Variants in ZNF296 observed in about 807,000 individuals in gnomAD.
ZNF296 encodes zinc finger protein 296, also known as zinc finger protein 342.
ZNF296 carries 1 observed loss-of-function variant against 13.2 expected under a neutral mutation model. That is an observed-to-expected ratio of 0.08 (90% CI 0.03 to 0.36). The LOEUF (loss-of-function observed/expected upper bound fraction) is 0.36. Ranked by LOEUF, ZNF296 falls within the 10% of genes least tolerant of loss-of-function variation. The pLI is 0.99. For missense variants in ZNF296, 555 were observed against 688.2 expected (o/e 0.81, Z 2.16); for synonymous variants, 303 against 289.0 (o/e 1.05, Z -0.49).
chr19:45,075,644 C>T, intron 2 of ZNF296, 69 bp downstream of exon 2: 1 of 1,579,244 alleles, frequency 6.3e-7, no homozygotes, highest in South Asian at 1.2e-5. Flanking sequence ...TGCCGTCCAG[C>T]CCAGCCCCTT....
Position 45,072,030 on chromosome 19 carries a change from G to A in ZNF296, c.999C>T (p.Val333=). 4 of 1,613,064 alleles carry A rather than the reference G, an allele frequency of 2.5e-6. No individual in the cohort carries two copies. The highest frequency in any genetic ancestry group is 3.4e-6 in the Non-Finnish European group (4 of 1,179,990). Residue 333 remains valine, a synonymous_variant, in exon 3 of 3, where the codon GTC becomes GTT. Transcript: ENST00000303809. ...CACTGCCAGGAGCCCCGGGTTCCTG[G>A]ACACCTGCTGTGGCGGCGGCTCCAG... The part of the protein sequence containing the change: ...EGAGAAATAG[V]QEPGAPGSGA...
chr19:45,075,743 A>G lies in ZNF296; in HGVS notation c.418T>C (p.Phe140Leu). 1 of 1,614,070 alleles carries G rather than the reference A, an allele frequency of 6.2e-7. No homozygotes were observed. Residue 140 changes from phenylalanine to leucine, a missense_variant, in exon 2 of 3, where the codon TTC (phenylalanine) becomes CTC (leucine). Physicochemically the swap from Phe to Leu is conservative, Grantham distance 22. Transcript: ENST00000303809. Reference protein sequence around the residue: ...MDHKKLGCQLFRGPSRGQGSE... With the variant: ...MDHKKLGCQLLRGPSRGQGSE... ...CCCTGGCCGCGGCTGGGGCCTCTGA[A>G]GAGCTGACAGCCCAGCTTCTTGTGG...
At chr19:45,073,299 C>CT (rs967171202) in intron 2 of ZNF296, among the ~76,000 whole-genome samples, 115 of 136,228 alleles carry the variant, frequency 8.4e-4, no homozygotes, top group East Asian at 7.6e-3. Flanking sequence ...GGCTTGCTTG[C>CT]TTTTTTTTTT....
Position 45,076,294 on chromosome 19 carries a change from A to G in ZNF296, c.80T>C (p.Met27Thr). ...CTTGAGTTCGATGACGAGGTCCTGC[A>G]TTTCCATCTCGTCGTCTGGGTTGGC... ...PAANPDDEME[M>T]QDLVIELKPE... The change falls in exon 1 of 3, where the codon ATG becomes ACG. Residue 27 changes from methionine to threonine, a missense_variant. Transcript: ENST00000303809. The surrounding 1 kb of genome is among the most constrained non-coding windows in gnomAD (Gnocchi z 4.9). The G allele has an allele frequency of 6.9e-7, 1 of 1,454,252 alleles. No homozygotes were observed. The highest frequency in any genetic ancestry group is 9.1e-7 in the Non-Finnish European group (1 of 1,102,166). 90.1% of individuals were successfully genotyped at this position (1,454,252 alleles called of 1,614,324 possible).
rs1967254225 is a variant in ZNF296 at position 45,071,552 on chromosome 19, A to G, written c.*49T>C. Reference sequence around the variant, plus strand: ...AAGGCGGGCAAAAACGAGGAGGTCAATGGGTGTTGGCAGCGGTACCAGGGA... The same window carrying G: ...AAGGCGGGCAAAAACGAGGAGGTCAGTGGGTGTTGGCAGCGGTACCAGGGA... On this transcript the variant is annotated 3_prime_UTR_variant, in exon 3 of 3. Transcript: ENST00000303809. 5 of 1,497,148 alleles carry G rather than the reference A, an allele frequency of 3.3e-6. No homozygotes were observed. Among genetic ancestry groups the G allele is most frequent in the Admixed American group, 2.3e-5 (1 of 43,632 alleles). 92.7% of individuals were successfully genotyped at this position (1,497,148 alleles called of 1,614,324 possible). A position where few individuals can be genotyped will look rare whatever the true frequency, so the allele number is the denominator to read the frequency against.
chr19:45,073,120 C>T (rs1284822339), intron 2 of ZNF296, among the ~76,000 whole-genome samples: 1 of 152,166 alleles, frequency 6.6e-6, no homozygotes, highest in Non-Finnish European at 1.5e-5. Context: ...AGGTGCTGAG[C>T]CATGGCTCAT....
chr19:45,076,221 G>A lies in ZNF296; in HGVS notation c.153C>T (p.Phe51=). Reference sequence around the variant, plus strand: ...CCGCCGAGGACACCTCCTTCGGGGAGAAGGGCCCCAGCCTTGGGGCCTGTT... The same window carrying A: ...CCGCCGAGGACACCTCCTTCGGGGAAAAGGGCCCCAGCCTTGGGGCCTGTT... ...QPQQAPRLGP[F]SPKEVSSAGR... Residue 51 remains phenylalanine (F), a synonymous_variant, in exon 1 of 3, where the codon TTC becomes TTT. Coordinates refer to ENST00000303809, the MANE Select transcript of ZNF296 (RefSeq NM_145288.3). The surrounding 1 kb of genome is among the most constrained non-coding windows in gnomAD (Gnocchi z 4.9). 1 of 1,508,022 alleles carries A rather than the reference G, an allele frequency of 6.6e-7. No homozygotes were observed. The highest frequency in any genetic ancestry group is 8.8e-7 in the Non-Finnish European group (1 of 1,132,192). 93.4% of individuals were successfully genotyped at this position (1,508,022 alleles called of 1,614,324 possible). A position where few individuals can be genotyped will look rare whatever the true frequency, so the allele number is the denominator to read the frequency against.
chr19:45,073,611 G>A (rs1600124467), intron 2 of ZNF296, among the ~76,000 whole-genome samples: 1 of 151,436 alleles, frequency 6.6e-6, no homozygotes, highest in East Asian at 2.0e-4. Context: ...GCACCCGGCC[G>A]CCCAGGCTAT....
chr19:45,073,659 A>G (rs1040229149), intron 2 of ZNF296, among the ~76,000 whole-genome samples: 2 of 150,590 alleles, frequency 1.3e-5, no homozygotes, highest in South Asian at 2.1e-4. Flanking sequence ...CTTCCGCCTC[A>G]GCCCCTCAAA....
At chr19:45,074,664 CAT>C (rs1477571759) in intron 2 of ZNF296, among the ~76,000 whole-genome samples, 1 of 152,152 alleles carries the variant, frequency 6.6e-6, no homozygotes, top group Admixed American at 6.5e-5. Flanking sequence ...TTGGGCAAGA[CAT>C]AGTCCTCTGT....
At chr19:45,075,456 C>A (rs1404563824) in intron 2 of ZNF296, among the ~76,000 whole-genome samples, 1 of 152,256 alleles carries the variant, frequency 6.6e-6, no homozygotes, top group East Asian at 1.9e-4. Flanking sequence ...GGGGCAAAAT[C>A]CCGGGCTAGT....
chr19:45,072,611 C>T (rs371741166), intron 2 of ZNF296, 31 bp from the exon 3 acceptor site: 57 of 1,552,012 alleles, frequency 3.7e-5, no homozygotes, highest in Middle Eastern at 1.7e-4. Context: ...AGTGTTAGTG[C>T]GGACAGCTGC....
rs1967277793 is a variant in ZNF296 at position 45,072,598 on chromosome 19, C to T, written c.449-18G>A. 1.3e-6 allele frequency: 2 copies of T among 1,577,494 alleles called. No individual in the cohort carries two copies. Among genetic ancestry groups the T allele is most frequent in the Non-Finnish European group, 8.6e-7 (1 of 1,160,834 alleles). ...CTCTCGTTCTGGTAAGAAAAAGAGGCAGAGTGTTAGTGCGGACAGCTGCCA... is the reference window on the plus strand; with the variant it reads ...CTCTCGTTCTGGTAAGAAAAAGAGGTAGAGTGTTAGTGCGGACAGCTGCCA... On this transcript the variant is annotated intron_variant, in intron 2 of 2. Coordinates refer to ENST00000303809, the MANE Select transcript of ZNF296 (RefSeq NM_145288.3).
chr19:45,073,299 CTTTT>C (rs967171202), intron 2 of ZNF296, among the ~76,000 whole-genome samples: 1 of 136,282 alleles, frequency 7.3e-6, no homozygotes, highest in African/African-American at 2.7e-5. Context: ...GGCTTGCTTG[CTTTT>C]TTTTTTTTGC....
intron 2 of ZNF296, among the ~76,000 whole-genome samples, chr19:45,073,844 T>G (rs1967297395): frequency 6.6e-6 from 1 of 151,154 alleles, no homozygotes; most frequent in Non-Finnish European, 1.5e-5. Flanking sequence ...GCCAACATGA[T>G]GAAACCCTGT....
Position 45,072,432 on chromosome 19 carries a change from C to G in ZNF296, c.597G>C (p.Leu199=). 1 of 1,612,850 alleles carries G rather than the reference C, an allele frequency of 6.2e-7. No individual in the cohort carries two copies. Among genetic ancestry groups the G allele is most frequent in the Non-Finnish European group, 8.5e-7 (1 of 1,179,824 alleles). The change falls in exon 3 of 3, where the codon CTG becomes CTC. Residue 199 remains leucine, a synonymous_variant. Coordinates refer to ENST00000303809, the MANE Select transcript of ZNF296 (RefSeq NM_145288.3). Reference sequence around the variant, plus strand: ...CCGACACGGCTGCAGCCACCTCGGCCAGGCCCAGGAGCGGGGCCTCCGGGG... The same window carrying G: ...CCGACACGGCTGCAGCCACCTCGGCGAGGCCCAGGAGCGGGGCCTCCGGGG... ...SEAPEAPLLG[L]AEVAAAVSAV...
chr19:45,076,076 C>T lies in ZNF296; in HGVS notation c.298G>A (p.Asp100Asn), dbSNP rs1381375643. 2 of 1,581,424 alleles carry T rather than the reference C, an allele frequency of 1.3e-6. No homozygotes were observed. The highest frequency in any genetic ancestry group is 2.0e-5 in the Admixed American group (1 of 50,398). The change falls in exon 1 of 3, where the codon GAC (aspartate) becomes AAC (asparagine). Residue 100 changes from aspartate to asparagine, a missense_variant and splice_region_variant. This residue lies in a region of ZNF296 where 410 missense variants were observed against 548.0 expected (regional missense o/e 0.75). Transcript: ENST00000303809. The surrounding 1 kb of genome is among the most constrained non-coding windows in gnomAD (Gnocchi z 4.9). ...LWTPLTPNYP[D>N]RQPWTDKHPD... The stretch of plus-strand genomic sequence containing the variant: ...TGGGCCCAGGGCCCGGGGTGCTCAC[C>T]GGGATAGTTCGGGGTCAACGGCGTC...
chr19:45,076,331 G>A lies in ZNF296; in HGVS notation c.43C>T (p.Pro15Ser). Residue 15 changes from proline (P) to serine (S), a missense_variant, in exon 1 of 3, where the codon CCC becomes TCC. By Grantham distance (74) the Pro-to-Ser change is moderately conservative (BLOSUM62 -1). Transcript: ENST00000303809. This position sits in a 1 kb window ranked among gnomAD's most constrained non-coding sequence, Gnocchi z 4.9. The stretch of plus-strand genomic sequence containing the variant: ...TCGTCTGGGTTGGCGGCGGGCGCGG[G>A]CTCTACTCGGCGGGGCGCGCTGCCG... The part of the protein sequence containing the change: ...KAGSAPRRVE[P>S]APAANPDDEM... 1 of 1,390,078 alleles carries A rather than the reference G, an allele frequency of 7.2e-7. No individual in the cohort carries two copies. The highest frequency in any genetic ancestry group is 1.9e-5 in the South Asian group (1 of 53,850). 86.1% of individuals were successfully genotyped at this position (1,390,078 alleles called of 1,614,324 possible).
In ZNF296 at chr19:45,072,547, C is replaced by T. The variant is rs752866032; in HGVS notation, c.482G>A (p.Arg161His). 3.4e-5 allele frequency: 55 copies of T among 1,610,840 alleles called. No homozygotes were observed. Among genetic ancestry groups the T allele is most frequent in the Middle Eastern group, 1.6e-4 (1 of 6,070 alleles). Residue 161 changes from arginine (R) to histidine (H), a missense_variant, in exon 3 of 3, where the codon CGC becomes CAC. By Grantham distance (29) the Arg-to-His change is conservative (BLOSUM62 0). Around this residue, in one of 3 missense-constraint regions of ZNF296, gnomAD observed 410 missense variants for 548.0 expected, o/e 0.75. Transcript: ENST00000303809. ...GGCCACTGTGAACTGTTTGCCACAG[C>T]GCAGGCAGCTCAAGGCCTTCAGCTC... ...REELKALSCL[R>H]CGKQFTVAWK...
Sources: gnomAD v4.1 joint callset for allele counts (sites outside exome capture counted in the v4.1 genomes callset) on GRCh38, gnomAD v4.1.1 for gene constraint, gnomAD v4.1.1 regional missense constraint, Gnocchi (gnomAD v3.1) non-coding constraint, MANE v1.5 for transcripts, NCBI Gene and HGNC (gene_info 2026-07-23, HGNC 2026-07-21) for gene names.